The following VEGFC variants were observed in gnomAD, a reference collection of about 807,000 sequenced individuals.
The protein encoded by VEGFC is FLT4 ligand DHM.
A neutral mutation model predicts 46.1 loss-of-function variants in VEGFC; 12 were observed. The observed-to-expected ratio is 0.26, with a 90% CI of 0.17 to 0.42. The LOEUF (loss-of-function observed/expected upper bound fraction) is 0.42, where lower values mean the gene tolerates loss of function less well. Among genes scored for constraint, VEGFC ranks in the 10% least tolerant of loss-of-function variants. The pLI, the probability that VEGFC is intolerant of heterozygous loss-of-function variation, is 1.00. For missense variants in VEGFC, 488 were observed against 529.4 expected (o/e 0.92, Z 0.77); for synonymous variants, 232 against 195.5 (o/e 1.19, Z -1.56).
At chr4:176,777,032 G>C (rs1028719144) in intron 1 of VEGFC, among the ~76,000 whole-genome samples, 2 of 152,166 alleles carry the variant, frequency 1.3e-5, no homozygotes, top group African/African-American at 4.8e-5. Context: ...AAAAACTACT[G>C]GCCGGGTGCG....
At chr4:176,778,472 C>T (rs1299881637) in intron 1 of VEGFC, among the ~76,000 whole-genome samples, 2 of 152,104 alleles carry the variant, frequency 1.3e-5, no homozygotes, top group Non-Finnish European at 2.9e-5. Flanking sequence ...AGGATGCCCC[C>T]CGCCACCAAC....
intron 1 of VEGFC, among the ~76,000 whole-genome samples, chr4:176,755,581 C>G (rs1463289464): frequency 6.6e-6 from 1 of 151,996 alleles, no homozygotes; most frequent in African/African-American, 2.4e-5. Context: ...AGATAGACTC[C>G]TTGCCTCAAT....
At chr4:176,758,559 T>A (rs900046750) in intron 1 of VEGFC, among the ~76,000 whole-genome samples, 1 of 152,128 alleles carries the variant, frequency 6.6e-6, no homozygotes, top group Non-Finnish European at 1.5e-5. Context: ...ATCTCGATTG[T>A]TGTCAGGGAG....
At chr4:176,745,920 G>A (rs1041413298) in intron 1 of VEGFC, among the ~76,000 whole-genome samples, 4 of 152,002 alleles carry the variant, frequency 2.6e-5, no homozygotes, top group African/African-American at 9.7e-5. Context: ...GTGTACAAGG[G>A]CAAAATTTTA....
chr4:176,756,007 G>A (rs1319009370), intron 1 of VEGFC, among the ~76,000 whole-genome samples: 1 of 151,978 alleles, frequency 6.6e-6, no homozygotes, highest in Admixed American at 6.6e-5. Flanking sequence ...TGGTACATGG[G>A]AGGGAGCATA....
chr4:176,722,887 C>G (rs1281965766), intron 3 of VEGFC, among the ~76,000 whole-genome samples: 4 of 152,154 alleles, frequency 2.6e-5, no homozygotes, highest in African/African-American at 9.7e-5. Context: ...CACACCTACC[C>G]TTGAATAAAT....
intron 1 of VEGFC, among the ~76,000 whole-genome samples, chr4:176,787,709 A>C (rs1717534721): frequency 6.6e-6 from 1 of 152,158 alleles, no homozygotes; most frequent in Non-Finnish European, 1.5e-5. Flanking sequence ...CTCTGAAAAA[A>C]AAAATTAATC....
rs1452557198 is a variant in VEGFC, at chr4:176,700,059, T to C, written c.704+11440A>G. 3.9e-4 allele frequency among the ~76,000 whole-genome samples: 59 copies of C among 152,210 alleles called. 1 individual carries two copies. The highest frequency in any genetic ancestry group is 3.6e-3 in the Admixed American group (55 of 15,278). On this transcript the variant is annotated intron_variant, in intron 4 of 6. Transcript: ENST00000618562. ...GTAGGATGAATCAATGAAAACTCCA[T>C]AGTTGTAACAATTTTGCCAGTCTTA... is the stretch of plus-strand genomic sequence containing the variant.
intron 1 of VEGFC, among the ~76,000 whole-genome samples, chr4:176,787,939 T>A (rs548071123): frequency 1.3e-5 from 2 of 152,232 alleles, no homozygotes; most frequent in East Asian, 3.8e-4. Context: ...CATACAAATA[T>A]GTGTTTGTAA....
intron 4 of VEGFC, 32 bp from the exon 5 acceptor site, chr4:176,687,959 G>A (rs375547944): frequency 7.4e-7 from 1 of 1,342,896 alleles, no homozygotes. Flanking sequence ...TTTAGCAATG[G>A]TGTAACTGGT....
At chr4:176,733,688 T>C (rs1161801522) in intron 1 of VEGFC, among the ~76,000 whole-genome samples, 1 of 151,842 alleles carries the variant, frequency 6.6e-6, no homozygotes, top group Non-Finnish European at 1.5e-5. Flanking sequence ...ATGGTGGTTA[T>C]ACAACTCTAG....
At chr4:176,695,301 C>G (rs1392348565) in intron 4 of VEGFC, among the ~76,000 whole-genome samples, 1 of 149,946 alleles carries the variant, frequency 6.7e-6, no homozygotes, top group Non-Finnish European at 1.5e-5. Context: ...GGGGATATCA[C>G]CACCGATCCC....
At chr4:176,747,038 T>C (rs1248984503) in intron 1 of VEGFC, among the ~76,000 whole-genome samples, 1 of 152,158 alleles carries the variant, frequency 6.6e-6, no homozygotes, top group Non-Finnish European at 1.5e-5. Context: ...CAATGCATAA[T>C]GAATAAGTAG....
intron 1 of VEGFC, among the ~76,000 whole-genome samples, chr4:176,789,083 C>G (rs939670708): frequency 1.3e-5 from 2 of 152,194 alleles, no homozygotes; most frequent in South Asian, 2.1e-4. Flanking sequence ...TTCGGGAAAC[C>G]TTCATTAGTC....
chr4:176,777,298 G>A (rs913028915), intron 1 of VEGFC, among the ~76,000 whole-genome samples: 1 of 152,172 alleles, frequency 6.6e-6, no homozygotes, highest in Admixed American at 6.5e-5. Flanking sequence ...GCCTGGCCGA[G>A]ACAGCGAGAC....
intron 1 of VEGFC, among the ~76,000 whole-genome samples, chr4:176,783,348 A>G (rs1735946587): frequency 6.6e-6 from 1 of 152,166 alleles, no homozygotes; most frequent in Admixed American, 6.5e-5. Flanking sequence ...TATTTTCCTC[A>G]GTGAAATTGT....
intron 4 of VEGFC, among the ~76,000 whole-genome samples, chr4:176,695,472 T>C (rs1734293402): frequency 6.6e-6 from 1 of 150,974 alleles, no homozygotes; most frequent in Non-Finnish European, 1.5e-5. Context: ...GGATCTGAAA[T>C]TGTGGCAATA....
At chr4:176,759,425 T>C (rs181878062) in intron 1 of VEGFC, among the ~76,000 whole-genome samples, 1 of 152,180 alleles carries the variant, frequency 6.6e-6, no homozygotes, top group African/African-American at 2.4e-5. Context: ...AATCAAATGA[T>C]AGAAGCAGAG....
Position 176,792,278 on chromosome 4 carries a change from A to T in VEGFC, c.34T>A (p.Ser12Thr). Residue 12 changes from serine to threonine, a missense_variant, in exon 1 of 7, where the codon TCT becomes ACT. Transcript: ENST00000618562. This position sits in a 1 kb window ranked among gnomAD's most constrained non-coding sequence, Gnocchi z 6.3. ...HLLGFFSVAC[S>T]LLAAALLPGP... ...GGGAGCAGCGCAGCGGCGAGCAGAG[A>T]ACACGCCACAGAGAAGAAGCCCAGC... The T allele has an allele frequency of 6.5e-7, 1 of 1,545,264 alleles. No individual in the cohort carries two copies.
Sources: allele counts gnomAD v4.1 joint callset (sites outside exome capture counted in the v4.1 genomes callset), GRCh38; gene constraint gnomAD v4.1.1; non-coding constraint Gnocchi (gnomAD v3.1); transcripts MANE v1.5; gene names NCBI Gene and HGNC (gene_info 2026-07-23, HGNC 2026-07-21).